RTTN: variants seen among roughly 807,000 people sequenced by gnomAD.
The protein encoded by RTTN is rotatin.
A neutral mutation model predicts 269.2 loss-of-function variants in RTTN; 182 were observed. The ratio of observed to expected loss-of-function variants is 0.68; its 90% CI spans 0.60 to 0.76. The LOEUF (loss-of-function observed/expected upper bound fraction) is 0.76. Ranked by LOEUF, RTTN falls within the 30% of genes least tolerant of loss-of-function variation. The pLI is 0.00. For synonymous variants in RTTN, 1,006 were observed against 963.5 expected, an observed-to-expected ratio of 1.04 and a Z score of -0.82; for missense variants, 2,545 against 2,608.6, an observed-to-expected ratio of 0.98 and a Z score of 0.53.
At chr18:70,028,650 C>T (rs1431054708) in intron 43 of RTTN, 74 bp downstream of exon 43, 2 of 819,928 alleles carry the variant, frequency 2.4e-6, no homozygotes, top group Admixed American at 2.6e-5. Context: ...TTTCCTACTA[C>T]ATTATCTCAC....
In RTTN at chr18:70,088,143, C is replaced by G. The variant is rs1183453035; in HGVS notation, c.4148G>C (p.Arg1383Thr). The G allele has an allele frequency of 6.2e-7, 1 of 1,602,474 alleles. No individual in the cohort carries two copies. Among genetic ancestry groups the G allele is most frequent in the East Asian group, 2.2e-5 (1 of 44,734 alleles). Residue 1383 changes from arginine (R) to threonine (T), a missense_variant, in exon 31 of 49, where the codon AGA becomes ACA. Transcript: ENST00000640769. ...TGATCCTAATCCCAGTGAAGTGAAT[C>G]TCACCTGTTCAAATTAAAGAGAAAG... ...PLWVDRDPEV[R>T]FTSLGLGSAL...
intron 28 of RTTN, among the ~76,000 whole-genome samples, chr18:70,102,886 T>C (rs1227387704): frequency 1.3e-5 from 2 of 152,350 alleles, no homozygotes; most frequent in Non-Finnish European, 2.9e-5. Context: ...TTTAAGAATG[T>C]TGAGCCTGGC....
At chr18:70,075,578 T>C in intron 32 of RTTN, 37 bp from the exon 33 acceptor site, 1 of 1,465,980 alleles carries the variant, frequency 6.8e-7, no homozygotes, top group Non-Finnish European at 9.1e-7. Context: ...GAGACACTGA[T>C]TTATCCAACA....
At chr18:70,202,342 T>C (rs943461400) in intron 3 of RTTN, among the ~76,000 whole-genome samples, 3 of 152,216 alleles carry the variant, frequency 2.0e-5, no homozygotes, top group African/African-American at 7.2e-5. Flanking sequence ...ACTTCAATTT[T>C]CATTCATACC....
At chr18:70,155,165 A>G (rs1482267174) in intron 14 of RTTN, among the ~76,000 whole-genome samples, 1 of 152,138 alleles carries the variant, frequency 6.6e-6, no homozygotes, top group Non-Finnish European at 1.5e-5. Flanking sequence ...TCTTTTTATT[A>G]TTTCAACATA....
intron 13 of RTTN, 30 bp downstream of exon 13, chr18:70,166,889 A>C: frequency 7.0e-7 from 1 of 1,431,588 alleles, no homozygotes; most frequent in Non-Finnish European, 9.8e-7. Context: ...TCCAATAATA[A>C]CGTAATCACA....
intron 9 of RTTN, among the ~76,000 whole-genome samples, chr18:70,188,541 C>T (rs956399165): frequency 1.3e-5 from 2 of 152,172 alleles, no homozygotes; most frequent in African/African-American, 2.4e-5. Flanking sequence ...CCATTTTACA[C>T]GTAATATGTG....
chr18:70,099,256 TTGTTTCCTGACATTTTAA>T (rs1426682721), intron 28 of RTTN, among the ~76,000 whole-genome samples: 1 of 152,186 alleles, frequency 6.6e-6, no homozygotes, highest in African/African-American at 2.4e-5. Flanking sequence ...CCAGCACCTG[TTGTTTCCTGACATTTTAA>T]TGTTGCCATT....
At chr18:70,156,638 G>C (rs564439294) in intron 14 of RTTN, among the ~76,000 whole-genome samples, 1 of 152,156 alleles carries the variant, frequency 6.6e-6, no homozygotes, top group South Asian at 2.1e-4. Context: ...CAGCTTGTGG[G>C]ACATCACGGA....
intron 32 of RTTN, among the ~76,000 whole-genome samples, chr18:70,078,944 A>C (rs573304632): frequency 1.3e-5 from 2 of 152,260 alleles, no homozygotes; most frequent in African/African-American, 4.8e-5. Context: ...CAAAACCAGG[A>C]AGAGCAAGTG....
In RTTN at chr18:70,204,254, C is replaced by CT; in HGVS notation, c.228dup (p.Ala77SerfsTer7). Reference sequence around the variant, plus strand: ...CCAACGTCAACCAAATGTTGGACTGCTGGGGGATACTAAAATAAGAAGAGG... The same window carrying CT: ...CCAACGTCAACCAAATGTTGGACTGCTTGGGGGATACTAAAATAAGAAGAGG... On this transcript the variant is annotated frameshift_variant, in exon 3 of 49. Transcript: ENST00000640769. LOFTEE classifies it high-confidence loss of function. The CT allele has an allele frequency of 6.2e-7, 1 of 1,603,920 alleles. No individual in the cohort carries two copies. The highest frequency in any genetic ancestry group is 8.5e-7 in the Non-Finnish European group (1 of 1,176,892).
rs756572986 is a variant in RTTN at position 70,145,653 on chromosome 18, T to C, written c.2440A>G (p.Ile814Val). Residue 814 changes from isoleucine to valine, a missense_variant, in exon 18 of 49, where the codon ATT (isoleucine) becomes GTT (valine). Ile to Val is a conservative substitution (Grantham distance 29). Transcript: ENST00000640769. The stretch of plus-strand genomic sequence containing the variant: ...CTTCTGTCATCCAGTCTGAGTTCAA[T>C]AGGTTTCTTCCCAATGAATAAATCA... ...VTDLFIGKKP[I>V]ELRLDDRREL... 27 of 1,612,142 alleles carry C rather than the reference T, an allele frequency of 1.7e-5. No homozygotes were observed. The highest frequency in any genetic ancestry group is 4.5e-5 in the East Asian group (2 of 44,850).
At chr18:70,204,014 T>A in intron 3 of RTTN, 72 bp downstream of exon 3, 2 of 1,191,122 alleles carry the variant, frequency 1.7e-6, no homozygotes, top group Non-Finnish European at 2.3e-6. Context: ...TTTAAAAAAA[T>A]CTAATCTCCC....
intron 25 of RTTN, among the ~76,000 whole-genome samples, chr18:70,123,813 A>G (rs1240058789): frequency 6.6e-6 from 1 of 152,008 alleles, no homozygotes; most frequent in Non-Finnish European, 1.5e-5. Context: ...TGAGAGCAGG[A>G]CCCTATCAGT....
rs36147576 is a variant in RTTN at position 70,112,483 on chromosome 18, C to CAAAAAAAAAAAAAAAAAAA, written c.3683+1961_3683+1962insTTTTTTTTTTTTTTTTTTT. Reference sequence around the variant, plus strand: ...GATGATTTATCAAGCAAATGGAAAGCAAAAAAAAAAAAAAAAAAGCAAGAG... The same window carrying CAAAAAAAAAAAAAAAAAAA: ...GATGATTTATCAAGCAAATGGAAAGCAAAAAAAAAAAAAAAAAAAAAAAAAAAAAAAAAAAAAGCAAGAG... On this transcript the variant is annotated intron_variant, in intron 27 of 48. Coordinates refer to ENST00000640769, the MANE Select transcript of RTTN (RefSeq NM_173630.4). Among the ~76,000 whole-genome samples the CAAAAAAAAAAAAAAAAAAA allele has an allele frequency of 1.5e-4, 10 of 68,046 alleles. 1 individual carries two copies. The highest frequency in any genetic ancestry group is 9.6e-4 in the South Asian group (1 of 1,046). 44.6% of individuals were successfully genotyped at this position (68,046 alleles called of 152,430 possible). A position where few individuals can be genotyped will look rare whatever the true frequency, so the allele number is the denominator to read the frequency against.
chr18:70,067,221 A>G (rs536235135), intron 34 of RTTN, among the ~76,000 whole-genome samples: 95 of 149,510 alleles, frequency 6.4e-4, no homozygotes, highest in African/African-American at 2.1e-3. Flanking sequence ...GTGCAGTGGC[A>G]CGATCTCGGC....
chr18:70,087,733 C>T (rs958213548), intron 31 of RTTN, among the ~76,000 whole-genome samples: 1 of 152,080 alleles, frequency 6.6e-6, no homozygotes, highest in African/African-American at 2.4e-5. Flanking sequence ...CTGTGAACTA[C>T]CTTTCAATGC....
intron 12 of RTTN, among the ~76,000 whole-genome samples, chr18:70,168,481 A>G (rs1356530015): frequency 1.3e-5 from 2 of 152,176 alleles, no homozygotes; most frequent in African/African-American, 2.4e-5. Flanking sequence ...TGAGGCAAAA[A>G]TATGTCTACA....
At chr18:70,037,445 G>T (rs1255304309) in intron 40 of RTTN, among the ~76,000 whole-genome samples, 1 of 152,102 alleles carries the variant, frequency 6.6e-6, no homozygotes, top group African/African-American at 2.4e-5. Flanking sequence ...ATAGAACAGG[G>T]CACTGGGCAG....
Sources: allele counts gnomAD v4.1 joint callset (sites outside exome capture counted in the v4.1 genomes callset), GRCh38; gene constraint gnomAD v4.1.1; transcripts MANE v1.5; gene names NCBI Gene and HGNC (gene_info 2026-07-23, HGNC 2026-07-21).